RBM20: variants seen among roughly 807,000 people sequenced by gnomAD.
RBM20 encodes RNA-binding protein 20.
Under a neutral mutation model 110.1 loss-of-function variants are expected in RBM20, and 51 were observed. That is an observed-to-expected ratio of 0.46 (90% CI 0.37 to 0.59). RBM20 has a LOEUF of 0.59. RBM20 is among the 20% of genes least tolerant of loss of function. RBM20 has a pLI of 0.00. For synonymous variants in RBM20, 589 were observed against 618.2 expected, an observed-to-expected ratio of 0.95 and a Z score of 0.70; for missense variants, 1,512 against 1,574.9, an observed-to-expected ratio of 0.96 and a Z score of 0.68.
intron 10 of RBM20, among the ~76,000 whole-genome samples, chr10:110,820,758 C>T (rs1844897795): frequency 6.6e-6 from 1 of 152,144 alleles, no homozygotes; most frequent in Non-Finnish European, 1.5e-5. Flanking sequence ...AGCTGATCTC[C>T]TAAATCTGTC....
At chr10:110,697,921 T>C (rs376000926) in intron 1 of RBM20, among the ~76,000 whole-genome samples, 6 of 149,414 alleles carry the variant, frequency 4.0e-5, no homozygotes, top group South Asian at 4.2e-4. Context: ...TTCTTTTTTT[T>C]TTTTGAGACT....
chr10:110,731,737 A>C (rs1843622662), intron 1 of RBM20, among the ~76,000 whole-genome samples: 1 of 152,210 alleles, frequency 6.6e-6, no homozygotes. Flanking sequence ...AATGGCTCCT[A>C]AAGGCAAAAG....
chr10:110,669,816 A>C (rs1862233173), intron 1 of RBM20, among the ~76,000 whole-genome samples: 1 of 152,248 alleles, frequency 6.6e-6, no homozygotes, highest in African/African-American at 2.4e-5. Flanking sequence ...GGGTGGCAAG[A>C]GTTGTACATT....
chr10:110,758,800 C>T (rs1479391154), intron 1 of RBM20, among the ~76,000 whole-genome samples: 1 of 152,038 alleles, frequency 6.6e-6, no homozygotes, highest in Non-Finnish European at 1.5e-5. Flanking sequence ...TCCTATTGAA[C>T]AGTGCAGATG....
chr10:110,656,657 C>G (rs1055158070), intron 1 of RBM20, among the ~76,000 whole-genome samples: 2 of 152,202 alleles, frequency 1.3e-5, no homozygotes, highest in Admixed American at 6.5e-5. Flanking sequence ...CCCTGGAAAC[C>G]AATCTGCTTT....
chr10:110,664,845 G>A (rs1174843013), intron 1 of RBM20, among the ~76,000 whole-genome samples: 1 of 152,044 alleles, frequency 6.6e-6, no homozygotes, highest in Non-Finnish European at 1.5e-5. Flanking sequence ...CATCCCCTTT[G>A]TCTTCCTCCT....
intron 1 of RBM20, among the ~76,000 whole-genome samples, chr10:110,696,206 C>T (rs1460032689): frequency 1.3e-5 from 2 of 152,210 alleles, no homozygotes; most frequent in Non-Finnish European, 2.9e-5. Flanking sequence ...TTCCTCTCCT[C>T]AGTAGGAAGT....
At chr10:110,831,279 TCTAGCTC>T in intron 13 of RBM20, 97 bp downstream of exon 13, 4 of 1,348,946 alleles carry the variant, frequency 3.0e-6, no homozygotes, top group Non-Finnish European at 4.0e-6. Context: ...TGCCTCTGAG[TCTAGCTC>T]CTACCTGCAA....
intron 1 of RBM20, among the ~76,000 whole-genome samples, chr10:110,772,144 C>T (rs1005512032): frequency 2.0e-5 from 3 of 152,154 alleles, no homozygotes; most frequent in Non-Finnish European, 4.4e-5. Flanking sequence ...ATTGCATCTC[C>T]GACAAACCAA....
chr10:110,762,917 G>A (rs959153846), intron 1 of RBM20, among the ~76,000 whole-genome samples: 6 of 152,190 alleles, frequency 3.9e-5, no homozygotes, highest in Non-Finnish European at 8.8e-5. Flanking sequence ...CTGGCAGCTT[G>A]GGGAAACCTA....
chr10:110,766,516 T>C (rs1158244043), intron 1 of RBM20, among the ~76,000 whole-genome samples: 4 of 151,870 alleles, frequency 2.6e-5, no homozygotes, highest in Admixed American at 6.6e-5. Context: ...GATTAGGGAG[T>C]GGTGATGACT....
rs1447422398 is a variant in RBM20 at position 110,837,578 on chromosome 10, T to TC, written c.*1601dup. 1 of 152,362 alleles carries TC rather than the reference T, an allele frequency of 6.6e-6. No homozygotes were observed. Among genetic ancestry groups the TC allele is most frequent in the Non-Finnish European group, 1.5e-5 (1 of 68,142 alleles). The allele number at this position is 152,362 out of a possible 1,614,324, so 9.4% of individuals were successfully genotyped here. ...GTGTAGGGTTTTGTTTTGTTTTTTT[T>TC]CATTTTCCTTTTTATGGCATGTGAG... On this transcript the variant is annotated 3_prime_UTR_variant, in exon 14 of 14. Transcript: ENST00000369519.
In RBM20 at chr10:110,812,675, T is replaced by A. The variant is rs1844787410; in HGVS notation, c.2278T>A (p.Tyr760Asn). 3.9e-6 allele frequency: 6 copies of A among 1,551,672 alleles called. No individual in the cohort carries two copies. The East Asian group carries it at 1.5e-4, about 38-fold the overall frequency. Reference protein sequence around the residue: ...SSYKSREDGYYRKEPKAKSDK... With the variant: ...SSYKSREDGYNRKEPKAKSDK... ...CTACAAAAGCCGTGAAGACGGCTAC[T>A]ACCGGAAAGAGCCCAAAGCCAAGTC... The change falls in exon 9 of 14, where the codon TAC becomes AAC. Residue 760 changes from tyrosine to asparagine, a missense_variant. Coordinates refer to ENST00000369519, the MANE Select transcript of RBM20 (RefSeq NM_001134363.3).
chr10:110,697,160 A>G (rs1349937209), intron 1 of RBM20, among the ~76,000 whole-genome samples: 2 of 152,140 alleles, frequency 1.3e-5, no homozygotes, highest in Non-Finnish European at 2.9e-5. Flanking sequence ...GCTCAGATTT[A>G]AAAGTTGGGG....
rs117414271 is a variant in RBM20, at chr10:110,715,984, C to T, written c.192-64817C>T. Among the ~76,000 whole-genome samples, 1,394 of 152,326 alleles carry T rather than the reference C, an allele frequency of 9.2e-3. 60 individuals are homozygous for T. Among genetic ancestry groups the T allele is most frequent in the Admixed American group, 0.072 (1,100 of 15,300 alleles). On this transcript the variant is annotated intron_variant, in intron 1 of 13. Transcript: ENST00000369519. ...AGCATGAGCACTAGAAGTCTCTCCA[C>T]AAGCTTTTGATTATGTTCTTGGTTC...
At chr10:110,746,492 A>T (rs1251306106) in intron 1 of RBM20, among the ~76,000 whole-genome samples, 2 of 152,226 alleles carry the variant, frequency 1.3e-5, no homozygotes, top group Non-Finnish European at 2.9e-5. Context: ...AACTGGTAAG[A>T]CCCACAAATG....
intron 9 of RBM20, among the ~76,000 whole-genome samples, chr10:110,815,666 C>T (rs1393874954): frequency 2.0e-5 from 3 of 152,234 alleles, no homozygotes; most frequent in Non-Finnish European, 4.4e-5. Context: ...ACTCACACTC[C>T]TGAGACTCTG....
Position 110,728,552 on chromosome 10 carries a change from T to C in RBM20, c.192-52249T>C, listed in dbSNP as rs531483152. On this transcript the variant is annotated intron_variant, in intron 1 of 13. Coordinates refer to ENST00000369519, the MANE Select transcript of RBM20 (RefSeq NM_001134363.3). ...GAGGGGGAGTGACTTCAATTTTCTC[T>C]CTTTCTCCTTTCTCTGTAATTATGT... 2.8e-4 allele frequency among the ~76,000 whole-genome samples: 43 copies of C among 152,356 alleles called. 3 individuals are homozygous for C. The South Asian group carries it at 8.7e-3, about 31-fold the overall frequency.
At chr10:110,785,636 G>A (rs1410559563) in intron 5 of RBM20, among the ~76,000 whole-genome samples, 1 of 152,046 alleles carries the variant, frequency 6.6e-6, no homozygotes, top group Non-Finnish European at 1.5e-5. Context: ...CTATATCTGG[G>A]CCTAGAGGTG....
Sources: allele counts gnomAD v4.1 joint callset (sites outside exome capture counted in the v4.1 genomes callset), GRCh38; gene constraint gnomAD v4.1.1; transcripts MANE v1.5; gene names NCBI Gene and HGNC (gene_info 2026-07-23, HGNC 2026-07-21).